Variants in ROS1 observed in about 807,000 individuals in gnomAD.
ROS1 encodes the protein proto-oncogene tyrosine-protein kinase ROS.
ROS1 carries 263 observed loss-of-function variants against 273.5 expected under a neutral mutation model. That is an observed-to-expected ratio of 0.96 (90% CI 0.87 to 1.06). The LOEUF (loss-of-function observed/expected upper bound fraction) is 1.06. ROS1 is among the 50% of genes least tolerant of loss of function. ROS1 has a pLI of 0.00. For missense variants in ROS1, 2,833 were observed against 2,751.1 expected (o/e 1.03, Z -0.67); for synonymous variants, 1,008 against 954.1 (o/e 1.06, Z -1.04).
intron 7 of ROS1, among the ~76,000 whole-genome samples, chr6:117,401,877 T>C (rs71570847): frequency 0.064 from 9,361 of 146,122 alleles, 362 homozygotes; most frequent in Middle Eastern, 0.092. Flanking sequence ...AAGAAGTTTA[T>C]AACCTAGGCA....
chr6:117,295,304 GA>G (rs1255809650), intron 43 of ROS1, among the ~76,000 whole-genome samples: 1 of 152,130 alleles, frequency 6.6e-6, no homozygotes, highest in Non-Finnish European at 1.5e-5. Context: ...AATAAAACTA[GA>G]CCCCTATCTC....
At chr6:117,344,652 T>C (rs1778226101) in intron 27 of ROS1, among the ~76,000 whole-genome samples, 1 of 152,160 alleles carries the variant, frequency 6.6e-6, no homozygotes, top group African/African-American at 2.4e-5. Context: ...GTGGCGCACC[T>C]CTGTCCTTCA....
intron 43 of ROS1, among the ~76,000 whole-genome samples, chr6:117,300,248 G>A (rs1444039748): frequency 6.6e-6 from 1 of 151,536 alleles, no homozygotes; most frequent in African/African-American, 2.4e-5. Flanking sequence ...ACCGCACCCG[G>A]CACAGAATAT....
intron 20 of ROS1, among the ~76,000 whole-genome samples, 157 bp downstream of exon 20, chr6:117,365,424 A>C (rs190194482): frequency 6.6e-6 from 1 of 152,294 alleles, no homozygotes; most frequent in African/African-American, 2.4e-5. Flanking sequence ...GGCTGCAAAC[A>C]AGTCTTCTGG....
At chr6:117,386,096 A>C (rs765252888) in intron 15 of ROS1, among the ~76,000 whole-genome samples, 1 of 152,244 alleles carries the variant, frequency 6.6e-6, no homozygotes, top group Non-Finnish European at 1.5e-5. Context: ...ACATTGTCCC[A>C]GGCAGTTTAC....
rs918200907 is a variant in ROS1, at chr6:117,356,887, A to T, written c.3868T>A (p.Phe1290Ile). ...CTGTAGTAGAACATCTGGTAGCCAA[A>T]ATTGGAAACTTCTGTCCAATACAAG... is the stretch of plus-strand genomic sequence containing the variant. ...SRLYWTEVSN[F>I]GYQMFYYSII... The change falls in exon 26 of 44, where the codon TTT becomes ATT. Residue 1290 changes from phenylalanine (F) to isoleucine (I), a missense_variant. Phe to Ile is a conservative substitution (Grantham distance 21). Transcript: ENST00000368507. The T allele has an allele frequency of 2.5e-6, 4 of 1,613,986 alleles. No homozygotes were observed. The highest frequency in any genetic ancestry group is 3.4e-6 in the Non-Finnish European group (4 of 1,180,008).
chr6:117,321,570 G>A (rs1776295079), intron 35 of ROS1, among the ~76,000 whole-genome samples, 176 bp from the exon 36 acceptor site: 1 of 151,826 alleles, frequency 6.6e-6, no homozygotes, highest in South Asian at 2.1e-4. Flanking sequence ...TTAAATCCAG[G>A]TAAAAAGCCA....
chr6:117,301,265 A>G, intron 42 of ROS1, 128 bp from the exon 43 acceptor site: 1 of 724,852 alleles, frequency 1.4e-6, no homozygotes, highest in South Asian at 2.3e-5. Context: ...ATATAAGTGA[A>G]TCAAAACAAA....
rs1776844197 is a variant in ROS1, at chr6:117,328,883, C to A, written c.5348+446G>T. 6.5e-6 allele frequency: 4 copies of A among 612,786 alleles called. No homozygotes were observed. In the East Asian group the frequency reaches 1.4e-4, roughly 21 times the overall value. 38.0% of individuals were successfully genotyped at this position (612,786 alleles called of 1,614,324 possible). ...TCCTGTGTGACCTCTACACTTCAGA[C>A]CATTTCAGAACCTGACCTAATTTTA... is the stretch of plus-strand genomic sequence containing the variant. On this transcript the variant is annotated intron_variant, in intron 33 of 43. Transcript: ENST00000368507.
At chr6:117,333,678 T>C (rs542435283) in intron 32 of ROS1, among the ~76,000 whole-genome samples, 6 of 152,284 alleles carry the variant, frequency 3.9e-5, no homozygotes, top group African/African-American at 7.2e-5. Context: ...GCAAGGCTGA[T>C]TCAACATATG....
In ROS1 at chr6:117,342,529, T is replaced by C; in HGVS notation, c.4522A>G (p.Ile1508Val). The C allele has an allele frequency of 6.5e-7, 1 of 1,540,032 alleles. No individual in the cohort carries two copies. Among genetic ancestry groups the C allele is most frequent in the South Asian group, 1.3e-5 (1 of 79,718 alleles). Residue 1508 changes from isoleucine to valine, a missense_variant, in exon 29 of 44, where the codon ATA becomes GTA. Coordinates refer to ENST00000368507, the MANE Select transcript of ROS1 (RefSeq NM_001378902.1). ...GGTTGTAAATCTTCAATAAGAGCTA[T>C]ACTGTCCTGAAATTCCTGTAATTGA... ...KYRILEFQDS[I>V]ALIEDLQPFS...
chr6:117,317,301 G>T, intron 38 of ROS1, 29 bp from the exon 39 acceptor site: 1 of 1,600,354 alleles, frequency 6.2e-7, no homozygotes, highest in Non-Finnish European at 8.5e-7. Context: ...CAGGCTGGAT[G>T]ATATGACAGA....
rs1774623481 is a variant in ROS1 at position 117,300,386 on chromosome 6, T to C, written c.6715+588A>G. Reference sequence around the variant, plus strand: ...AGGATTAGATATATACATAGCAACATGGACAGACCTTAAAAATACAGTGCT... The same window carrying C: ...AGGATTAGATATATACATAGCAACACGGACAGACCTTAAAAATACAGTGCT... On this transcript the variant is annotated intron_variant, in intron 43 of 43. Transcript: ENST00000368507. 3.3e-5 allele frequency among the ~76,000 whole-genome samples: 5 copies of C among 151,894 alleles called. No individual in the cohort carries two copies. The South Asian group carries it at 6.2e-4, about 19-fold the overall frequency.
rs1010169783 is a variant in ROS1, at chr6:117,365,852, AT to A, written c.2798-112del. 5 of 1,010,646 alleles carry A rather than the reference AT, an allele frequency of 4.9e-6. No individual in the cohort carries two copies. The African/African-American group carries it at 6.5e-5, about 13-fold the overall frequency. 62.6% of individuals were successfully genotyped at this position (1,010,646 alleles called of 1,614,324 possible). On this transcript the variant is annotated intron_variant, in intron 19 of 43. Coordinates refer to ENST00000368507, the MANE Select transcript of ROS1 (RefSeq NM_001378902.1). ...TACTAATAATTAGAACTGAAACAAA[AT>A]TTTTCTTTTCTTTAACATATCCTGA...
At chr6:117,315,448 A>C (rs932677829) in intron 39 of ROS1, among the ~76,000 whole-genome samples, 3 of 152,106 alleles carry the variant, frequency 2.0e-5, no homozygotes, top group African/African-American at 7.2e-5. Context: ...TTTTCCTCAA[A>C]TTTTTGAAGG....
intron 18 of ROS1, among the ~76,000 whole-genome samples, chr6:117,372,767 G>A (rs1290290751): frequency 2.6e-5 from 4 of 152,162 alleles, no homozygotes; most frequent in African/African-American, 9.7e-5. Context: ...ACGCAGTGTG[G>A]AGCCAAAAAG....
intron 1 of ROS1, among the ~76,000 whole-genome samples, chr6:117,421,795 T>C (rs1387469338): frequency 6.6e-6 from 1 of 152,188 alleles, no homozygotes; most frequent in Non-Finnish European, 1.5e-5. Context: ...TTTTCCACTT[T>C]TTGGCTTTGC....
intron 11 of ROS1, among the ~76,000 whole-genome samples, chr6:117,393,585 G>T (rs1485359870): frequency 6.6e-6 from 1 of 152,086 alleles, no homozygotes; most frequent in East Asian, 1.9e-4. Flanking sequence ...ACATTTAAGC[G>T]ATATCTAGGT....
chr6:117,307,134 C>A (rs1038334687), intron 42 of ROS1, among the ~76,000 whole-genome samples: 1 of 151,916 alleles, frequency 6.6e-6, no homozygotes, highest in Non-Finnish European at 1.5e-5. Flanking sequence ...TTTTTTATAC[C>A]TTTAGATAGA....
Sources: gnomAD v4.1 joint callset for allele counts (sites outside exome capture counted in the v4.1 genomes callset) on GRCh38, gnomAD v4.1.1 for gene constraint, MANE v1.5 for transcripts, NCBI Gene and HGNC (gene_info 2026-07-23, HGNC 2026-07-21) for gene names.